The following AKAP6 variants were observed in gnomAD, a reference collection of about 807,000 sequenced individuals.
AKAP6 encodes A-kinase anchor protein 6.
AKAP6 carries 58 observed loss-of-function variants against 188.5 expected under a neutral mutation model. That is an observed-to-expected ratio of 0.31 (90% CI 0.25 to 0.38). The LOEUF is 0.38. Ranked by LOEUF, AKAP6 falls within the 10% of genes least tolerant of loss-of-function variation. The probability of loss-of-function intolerance (pLI) is 1.00; values close to 1 mark genes in which losing one functional copy is unlikely to be tolerated. For missense variants in AKAP6, 2,710 were observed against 2,740.0 expected (o/e 0.99, Z 0.24); for synonymous variants, 989 against 998.6 (o/e 0.99, Z 0.18).
At chr14:32,623,063 A>G (rs953463401) in intron 7 of AKAP6, among the ~76,000 whole-genome samples, 6 of 152,076 alleles carry the variant, frequency 3.9e-5, no homozygotes, top group Non-Finnish European at 8.8e-5. Flanking sequence ...CTATCCTATG[A>G]TTCCTGGGCT....
intron 1 of AKAP6, among the ~76,000 whole-genome samples, chr14:32,418,267 C>T (rs1481389374): frequency 6.6e-6 from 1 of 152,174 alleles, no homozygotes; most frequent in Non-Finnish European, 1.5e-5. Context: ...GGGACAATTA[C>T]CTTCCAAACG....
At position 32,821,503 on chromosome 14, in the gene AKAP6, T is replaced by C; in HGVS notation, c.3690T>C (p.Ser1230=). The change falls in exon 13 of 14, where the codon AGT becomes AGC. Residue 1230 remains serine, a synonymous_variant. Transcript: ENST00000280979. ...DEMDISNKLI[S]LNEESNDLDQ... ...TGGACATAAGTAACAAGTTAATTAG[T>C]TTGAATGAGGAATCAAATGACCTTG... 1 of 1,613,784 alleles carries C rather than the reference T, an allele frequency of 6.2e-7. No homozygotes were observed. Among genetic ancestry groups the C allele is most frequent in the South Asian group, 1.1e-5 (1 of 91,062 alleles).
In AKAP6 at chr14:32,443,410, A is replaced by AC. The variant is rs1422113232; in HGVS notation, c.324+9593_324+9594insC. 9.0e-3 allele frequency among the ~76,000 whole-genome samples: 1,041 copies of AC among 116,264 alleles called. 7 individuals carry two copies. The highest frequency in any genetic ancestry group is 0.018 in the Middle Eastern group (4 of 226). 76.3% of individuals were successfully genotyped at this position (116,264 alleles called of 152,430 possible). A position where few individuals can be genotyped will look rare whatever the true frequency, so the allele number is the denominator to read the frequency against. On this transcript the variant is annotated intron_variant, in intron 2 of 13. Coordinates refer to ENST00000280979, the MANE Select transcript of AKAP6 (RefSeq NM_004274.5). ...TCCATCTCAAAACAAAACAAAACAA[A>AC]AAAAAAACAAAAAAACAAAAAAACC...
intron 5 of AKAP6, among the ~76,000 whole-genome samples, chr14:32,581,823 C>CT (rs1309926198): frequency 6.6e-6 from 1 of 151,908 alleles, no homozygotes; most frequent in Non-Finnish European, 1.5e-5. Context: ...CAATCCCTGC[C>CT]TTTTTTTGTT....
intron 2 of AKAP6, among the ~76,000 whole-genome samples, chr14:32,460,730 C>G (rs1473202928): frequency 6.6e-6 from 1 of 152,210 alleles, no homozygotes; most frequent in Non-Finnish European, 1.5e-5. Context: ...ACAGCTCACT[C>G]CCCTGGAAAG....
intron 5 of AKAP6, among the ~76,000 whole-genome samples, chr14:32,598,988 T>C (rs1885813638): frequency 1.3e-5 from 2 of 152,202 alleles, no homozygotes; most frequent in Non-Finnish European, 2.9e-5. Flanking sequence ...TATTAATGGA[T>C]TTATATATGT....
At position 32,836,539 on chromosome 14, in the gene AKAP6, A is replaced by C. The variant is rs1041669851; in HGVS notation, c.*6734A>C. 3 of 152,068 alleles carry C rather than the reference A, an allele frequency of 2.0e-5. No individual in the cohort carries two copies. Among genetic ancestry groups the C allele is most frequent in the African/African-American group, 4.8e-5 (2 of 41,412 alleles). The allele number at this position is 152,068 out of a possible 1,614,324, so 9.4% of individuals were successfully genotyped here. A position where few individuals can be genotyped will look rare whatever the true frequency, so the allele number is the denominator to read the frequency against. ...GGCTTTTGCCAAACATTAGTAAACA[A>C]TTTCCAGTGAATACTCTGCCCCATT... On this transcript the variant is annotated 3_prime_UTR_variant, in exon 14 of 14. Coordinates refer to ENST00000280979, the MANE Select transcript of AKAP6 (RefSeq NM_004274.5).
intron 7 of AKAP6, among the ~76,000 whole-genome samples, chr14:32,640,109 A>T (rs1887688836): frequency 6.6e-6 from 1 of 151,810 alleles, no homozygotes; most frequent in African/African-American, 2.4e-5. Flanking sequence ...AATATTCTTC[A>T]TTTTTTTTAT....
intron 2 of AKAP6, among the ~76,000 whole-genome samples, chr14:32,521,725 T>G (rs986671906): frequency 5.9e-5 from 9 of 152,114 alleles, no homozygotes; most frequent in African/African-American, 1.7e-4. Flanking sequence ...ATGCTCATGG[T>G]TAGGAAGAAT....
chr14:32,680,753 C>T (rs1279099705), intron 8 of AKAP6, among the ~76,000 whole-genome samples: 4 of 152,142 alleles, frequency 2.6e-5, no homozygotes, highest in South Asian at 2.1e-4. Context: ...ACCAAAATAA[C>T]TTTTAGAAAT....
intron 2 of AKAP6, among the ~76,000 whole-genome samples, chr14:32,496,915 C>T (rs557913738): frequency 2.3e-4 from 35 of 152,282 alleles, no homozygotes; most frequent in South Asian, 1.0e-3. Context: ...TCCAGAGTTA[C>T]TTCCTGTGAA....
At chr14:32,678,273 G>A (rs1889518996) in intron 7 of AKAP6, 38 bp from the exon 8 acceptor site, 1 of 1,585,286 alleles carries the variant, frequency 6.3e-7, no homozygotes, top group Non-Finnish European at 8.6e-7. Flanking sequence ...CATTCCTTCT[G>A]GATTAAAACA....
At chr14:32,814,746 G>A (rs1373848906) in intron 12 of AKAP6, among the ~76,000 whole-genome samples, 1 of 151,654 alleles carries the variant, frequency 6.6e-6, no homozygotes, top group Non-Finnish European at 1.5e-5. Flanking sequence ...TTTATTTTTT[G>A]GGGACAGGGT....
intron 1 of AKAP6, among the ~76,000 whole-genome samples, chr14:32,410,022 A>T (rs776235092): frequency 1.3e-5 from 2 of 152,200 alleles, no homozygotes; most frequent in Non-Finnish European, 2.9e-5. Flanking sequence ...ATAACATCAC[A>T]TAACAAATAA....
intron 7 of AKAP6, among the ~76,000 whole-genome samples, chr14:32,602,871 C>T (rs72667969): frequency 0.044 from 6,719 of 152,298 alleles, 230 homozygotes; most frequent in South Asian, 0.074. Context: ...TTCATCACCA[C>T]CTAGCATACT....
At chr14:32,816,488 A>G (rs2140130270) in intron 12 of AKAP6, among the ~76,000 whole-genome samples, 1 of 152,260 alleles carries the variant, frequency 6.6e-6, no homozygotes. Context: ...GAGCCACTGT[A>G]CCTGTCCTGC....
chr14:32,639,226 A>C (rs188246536), intron 7 of AKAP6, among the ~76,000 whole-genome samples: 3 of 152,304 alleles, frequency 2.0e-5, no homozygotes, highest in Admixed American at 6.5e-5. Context: ...TTGTTTTTGC[A>C]TGAATGTACG....
At chr14:32,674,247 A>G (rs1315862672) in intron 7 of AKAP6, among the ~76,000 whole-genome samples, 1 of 152,198 alleles carries the variant, frequency 6.6e-6, no homozygotes, top group South Asian at 2.1e-4. Context: ...GTCAGCAGGA[A>G]CCAAATATCC....
intron 7 of AKAP6, among the ~76,000 whole-genome samples, chr14:32,670,505 G>T (rs1029596113): frequency 6.6e-6 from 1 of 152,148 alleles, no homozygotes; most frequent in African/African-American, 2.4e-5. Flanking sequence ...AAAGACAGGT[G>T]CTTAGATATA....
Sources: gnomAD v4.1 joint callset for allele counts (sites outside exome capture counted in the v4.1 genomes callset) on GRCh38, gnomAD v4.1.1 for gene constraint, MANE v1.5 for transcripts, NCBI Gene and HGNC (gene_info 2026-07-23, HGNC 2026-07-21) for gene names.